Variants in IRGM observed in about 807,000 individuals in gnomAD.
The protein encoded by IRGM is immunity-related GTPase family M protein.
For synonymous variants in IRGM, 98 were observed against 80.6 expected (o/e 1.22, Z -1.16); for missense variants, 288 against 219.9 (o/e 1.31, Z -1.96).
chr5:150,848,053 G>A lies in IRGM; in HGVS notation c.-71G>A, dbSNP rs9637870. 0.11 allele frequency: 140,245 copies of A among 1,231,878 alleles called. 12,014 individuals carry two copies. Among genetic ancestry groups the A allele is most frequent in the East Asian group, 0.39 (15,429 of 39,168 alleles). 76.3% of individuals were successfully genotyped at this position (1,231,878 alleles called of 1,614,324 possible). On this transcript the variant is annotated 5_prime_UTR_variant, in exon 2 of 2. Coordinates refer to ENST00000522154, the MANE Select transcript of IRGM (RefSeq NM_001145805.2). Reference sequence around the variant, plus strand: ...CCTGACCTCGTGATCTGCTCGCCTCGGCCTTCCAAAGTGCTGGGATTACAG... The same window carrying A: ...CCTGACCTCGTGATCTGCTCGCCTCAGCCTTCCAAAGTGCTGGGATTACAG...
At chr5:150,887,814 C>A (rs2880791) in intron 3 of IRGM, among the ~76,000 whole-genome samples, 31,607 of 151,710 alleles carry the variant, frequency 0.21, 5,279 homozygotes, top group African/African-American at 0.45. Flanking sequence ...GAAAGGAGTG[C>A]TAACTATAGA....
At chr5:150,864,590 C>A (rs79155428) in intron 1 of IRGM, among the ~76,000 whole-genome samples, 5,934 of 152,306 alleles carry the variant, frequency 0.039, 192 homozygotes, top group East Asian at 0.18. Context: ...GAGGCACACC[C>A]TGGAATGGTA....
At chr5:150,871,161 T>A (rs1754277832) in intron 1 of IRGM, among the ~76,000 whole-genome samples, 1 of 152,220 alleles carries the variant, frequency 6.6e-6, no homozygotes, top group Non-Finnish European at 1.5e-5. Flanking sequence ...TAGCTAAGGT[T>A]CTGCCTTTTT....
At position 150,848,211 on chromosome 5, in the gene IRGM, T is replaced by TCCAG; in HGVS notation, c.89_92dup (p.Arg31SerfsTer6). On this transcript the variant is annotated frameshift_variant, in exon 2 of 2. Coordinates refer to ENST00000522154, the MANE Select transcript of IRGM (RefSeq NM_001145805.2). LOFTEE classifies it low-confidence loss of function (END_TRUNC). ...CATCAAGGAGACTCTGAAGATAGTG[T>TCCAG]CCAGGACACCAGTTAACATCACTAT... The TCCAG allele has an allele frequency of 6.4e-7, 1 of 1,551,792 alleles. No homozygotes were observed. Among genetic ancestry groups the TCCAG allele is most frequent in the Non-Finnish European group, 8.7e-7 (1 of 1,146,964 alleles).
downstream of IRGM, among the ~76,000 whole-genome samples, chr5:150,853,172 A>G (rs1179916281): frequency 6.6e-6 from 1 of 151,732 alleles, no homozygotes; most frequent in Non-Finnish European, 1.5e-5. Flanking sequence ...GTTTTTTCTA[A>G]TTTTTCTTAT....
chr5:150,853,197 G>A (rs559960709), downstream of IRGM, among the ~76,000 whole-genome samples: 4 of 152,148 alleles, frequency 2.6e-5, no homozygotes, highest in Admixed American at 2.0e-4. Flanking sequence ...CCCATTGGTT[G>A]TTTAAAAGTG....
At chr5:150,853,077 T>C (rs1753998876), downstream of IRGM, among the ~76,000 whole-genome samples, 1 of 152,146 alleles carries the variant, frequency 6.6e-6, no homozygotes, top group South Asian at 2.1e-4. Flanking sequence ...AAAATGTAAG[T>C]ATTTAAAGCT....
At chr5:150,881,663 G>A (rs527512262) in intron 3 of IRGM, among the ~76,000 whole-genome samples, 33 of 151,862 alleles carry the variant, frequency 2.2e-4, no homozygotes, top group Non-Finnish European at 4.7e-4. Flanking sequence ...AATAATAATA[G>A]CAATATCATC....
intron 3 of IRGM, chr5:150,898,309 G>T (rs1472329945): frequency 5.0e-6 from 8 of 1,586,582 alleles, no homozygotes; most frequent in Non-Finnish European, 6.9e-6. Flanking sequence ...ACCTCCATTT[G>T]CAAAGGTATG....
At chr5:150,873,505 A>G (rs1754317316) in intron 1 of IRGM, among the ~76,000 whole-genome samples, 1 of 152,142 alleles carries the variant, frequency 6.6e-6, no homozygotes, top group African/African-American at 2.4e-5. Flanking sequence ...ATGATCAGAC[A>G]TTTTGAGGAC....
chr5:150,854,561 G>T (rs1754021393), intron 1 of IRGM, among the ~76,000 whole-genome samples: 1 of 152,072 alleles, frequency 6.6e-6, no homozygotes. Flanking sequence ...ATTTTAACAG[G>T]ACAGTTTTGC....
At chr5:150,880,769 A>G (rs896664712) in intron 3 of IRGM, among the ~76,000 whole-genome samples, 3 of 152,208 alleles carry the variant, frequency 2.0e-5, no homozygotes, top group African/African-American at 4.8e-5. Flanking sequence ...GTTAATCATC[A>G]CTGAAACAAA....
At chr5:150,867,883 A>G (rs965483722) in intron 1 of IRGM, among the ~76,000 whole-genome samples, 9 of 150,432 alleles carry the variant, frequency 6.0e-5, no homozygotes, top group African/African-American at 2.2e-4. Context: ...TCTGGACATT[A>G]GTCCTCTGTT....
intron 3 of IRGM, among the ~76,000 whole-genome samples, chr5:150,884,158 CA>C (rs1754483201): frequency 6.6e-6 from 1 of 151,854 alleles, no homozygotes; most frequent in African/African-American, 2.4e-5. Flanking sequence ...ATTATCATAT[CA>C]ATAGATTCAG....
chr5:150,852,857 A>G (rs1581639828), downstream of IRGM, among the ~76,000 whole-genome samples: 2 of 152,078 alleles, frequency 1.3e-5, no homozygotes, highest in South Asian at 4.1e-4. Flanking sequence ...GTGTTTTAAG[A>G]GTGCATATTG....
intron 3 of IRGM, among the ~76,000 whole-genome samples, chr5:150,888,817 A>G (rs1482604738): frequency 2.6e-5 from 4 of 152,220 alleles, no homozygotes; most frequent in African/African-American, 9.6e-5. Context: ...TTTACACAAA[A>G]AATATTGGCT....
At chr5:150,886,600 A>C (rs765227747) in intron 3 of IRGM, among the ~76,000 whole-genome samples, 5 of 151,924 alleles carry the variant, frequency 3.3e-5, no homozygotes, top group Admixed American at 2.0e-4. Context: ...CTGTTCAGGA[A>C]ATCAATTTTT....
At chr5:150,862,656 C>T (rs1170399458) in intron 1 of IRGM, among the ~76,000 whole-genome samples, 1 of 152,176 alleles carries the variant, frequency 6.6e-6, no homozygotes, top group East Asian at 1.9e-4. Flanking sequence ...AGCTGACCTA[C>T]TCTAGGTATG....
At chr5:150,896,467 G>T in intron 3 of IRGM, 1 of 1,613,448 alleles carries the variant, frequency 6.2e-7, no homozygotes. Flanking sequence ...TTCTGATATT[G>T]AATAAGGGAT....
Sources: allele counts gnomAD v4.1 joint callset (sites outside exome capture counted in the v4.1 genomes callset), GRCh38; gene constraint gnomAD v4.1.1; transcripts MANE v1.5; gene names NCBI Gene and HGNC (gene_info 2026-07-23, HGNC 2026-07-21).